Variants in SHLD2 observed in about 807,000 individuals in gnomAD.
The protein encoded by SHLD2 is RINN1-REV7-interacting novel NHEJ regulator 2.
In SHLD2, 30 loss-of-function variants were observed where a neutral mutation model predicts 73.2. The ratio of observed to expected loss-of-function variants is 0.41; its 90% CI spans 0.31 to 0.56. The LOEUF is 0.56. Ranked by LOEUF, SHLD2 falls within the 20% of genes least tolerant of loss-of-function variation. The pLI is 0.28. For synonymous variants in SHLD2, 285 were observed against 370.1 expected, an observed-to-expected ratio of 0.77 and a Z score of 2.64; for missense variants, 745 against 1,055.9, an observed-to-expected ratio of 0.71 and a Z score of 4.08.
intron 8 of SHLD2, among the ~76,000 whole-genome samples, chr10:87,186,254 G>A (rs2134757439): frequency 6.6e-6 from 1 of 152,296 alleles, no homozygotes; most frequent in Non-Finnish European, 1.5e-5. Context: ...CAGTAGTTAT[G>A]TTTTAGCTCT....
chr10:87,147,072 G>GAAAAAAAACAAACAAACAAAAA (rs1564596468), intron 2 of SHLD2, among the ~76,000 whole-genome samples: 1 of 95,366 alleles, frequency 1.0e-5, no homozygotes, highest in Non-Finnish European at 2.3e-5. Context: ...AAAAAAAAAA[G>GAAAAAAAACAAACAAACAAAAA]AAAAAAAAAA....
chr10:87,097,426 TG>T (rs1841972721), intron 2 of SHLD2, among the ~76,000 whole-genome samples: 1 of 151,200 alleles, frequency 6.6e-6, no homozygotes, highest in South Asian at 2.1e-4. Context: ...CCAAGCGTGG[TG>T]GGGGGCCTAC....
At chr10:87,165,870 CTG>C (rs1157980988) in intron 4 of SHLD2, among the ~76,000 whole-genome samples, 1 of 151,006 alleles carries the variant, frequency 6.6e-6, no homozygotes, top group African/African-American at 2.5e-5. Context: ...TAAGGTAACT[CTG>C]TACTATTTTT....
intron 2 of SHLD2, among the ~76,000 whole-genome samples, chr10:87,119,504 T>C (rs1843455019): frequency 3.9e-5 from 6 of 152,244 alleles, no homozygotes; most frequent in Admixed American, 2.6e-4. Context: ...GGCTCACGCC[T>C]GTAATCCCAG....
intron 2 of SHLD2, among the ~76,000 whole-genome samples, chr10:87,097,637 A>T (rs1175520360): frequency 6.6e-6 from 1 of 152,212 alleles, no homozygotes; most frequent in Non-Finnish European, 1.5e-5. Flanking sequence ...GAGGTGAGGA[A>T]TAGAGCTGTG....
rs1847811795 is a variant in SHLD2, at chr10:87,174,459, A to T, written c.1964-1430A>T. ...CAGGTATTTTGTAATAAGACAAGAA[A>T]GCTATTTTAGTGATTGGTTTTAAGC... On this transcript the variant is annotated intron_variant, in intron 6 of 9. Coordinates refer to ENST00000298786, the MANE Select transcript of SHLD2 (RefSeq NM_001330112.2). Among the ~76,000 whole-genome samples, 3 of 151,356 alleles carry T rather than the reference A, an allele frequency of 2.0e-5. No homozygotes were observed. In the South Asian group the frequency reaches 6.3e-4, roughly 32 times the overall value.
intron 8 of SHLD2, among the ~76,000 whole-genome samples, chr10:87,184,791 T>C (rs12355781): frequency 0.058 from 8,834 of 152,276 alleles, 508 homozygotes; most frequent in African/African-American, 0.16. Flanking sequence ...CTTCATGTCT[T>C]AGATTAAATG....
At chr10:87,107,852 C>CT (rs891401874) in intron 2 of SHLD2, among the ~76,000 whole-genome samples, 56 of 148,304 alleles carry the variant, frequency 3.8e-4, no homozygotes, top group Admixed American at 6.1e-4. Flanking sequence ...TTCTTTCTTT[C>CT]TTTTTTTTTT....
intron 3 of SHLD2, among the ~76,000 whole-genome samples, chr10:87,156,599 G>C (rs1343806074): frequency 6.6e-6 from 1 of 152,126 alleles, no homozygotes; most frequent in Non-Finnish European, 1.5e-5. Flanking sequence ...GTCAGTGAGA[G>C]GGTAGGAAGG....
At chr10:87,131,883 C>A (rs1219958337) in intron 2 of SHLD2, among the ~76,000 whole-genome samples, 2 of 152,164 alleles carry the variant, frequency 1.3e-5, no homozygotes, top group African/African-American at 4.8e-5. Context: ...CACTGTTTTC[C>A]ATTAAAAAAT....
Position 87,151,544 on chromosome 10 carries a change from G to T in SHLD2, c.190G>T (p.Val64Phe). ...KQHKNLENYK[V>F]PESIGSPDLS... ...GCACAAAAATCTTGAAAACTATAAA[G>T]TCCCAGAATCTATTGGTTCTCCAGA... Residue 64 changes from valine (V) to phenylalanine (F), a missense_variant, in exon 3 of 10, where the codon GTC (valine) becomes TTC (phenylalanine). This residue lies in a region of SHLD2 where 280 missense variants were observed against 353.9 expected (regional missense o/e 0.79). Transcript: ENST00000298786. 1 of 1,611,354 alleles carries T rather than the reference G, an allele frequency of 6.2e-7. No homozygotes were observed. Among genetic ancestry groups the T allele is most frequent in the Non-Finnish European group, 8.5e-7 (1 of 1,179,648 alleles).
chr10:87,113,756 C>T (rs61223972), intron 2 of SHLD2, among the ~76,000 whole-genome samples: 4,559 of 149,912 alleles, frequency 0.03, 245 homozygotes, highest in African/African-American at 0.11. Context: ...CCTGTAATCC[C>T]AGGCTTTGGG....
At chr10:87,138,373 GAAAA>G (rs1269699433) in intron 2 of SHLD2, among the ~76,000 whole-genome samples, 1 of 130,278 alleles carries the variant, frequency 7.7e-6, no homozygotes, top group Non-Finnish European at 1.7e-5. Flanking sequence ...AGAGCTGAAA[GAAAA>G]AAAAAAAAAC....
intron 2 of SHLD2, among the ~76,000 whole-genome samples, chr10:87,150,621 C>T (rs1396276602): frequency 1.3e-5 from 2 of 151,180 alleles, no homozygotes; most frequent in African/African-American, 2.4e-5. Flanking sequence ...ATTAGCCGGG[C>T]GTGGTGGCAC....
At chr10:87,173,247 C>T (rs1197502376) in intron 6 of SHLD2, among the ~76,000 whole-genome samples, 1 of 151,768 alleles carries the variant, frequency 6.6e-6, no homozygotes, top group African/African-American at 2.4e-5. Flanking sequence ...AGGCTGGTCT[C>T]GAACTCCTGA....
At chr10:87,188,970 A>T (rs1395419613) in intron 9 of SHLD2, among the ~76,000 whole-genome samples, 3 of 144,166 alleles carry the variant, frequency 2.1e-5, no homozygotes, top group African/African-American at 5.1e-5. Flanking sequence ...CCTTTTCTTA[A>T]TGTTACTTAT....
At chr10:87,094,650 G>C (rs1273946240), upstream of SHLD2, 1 of 1,597,792 alleles carries the variant, frequency 6.3e-7, no homozygotes, top group African/African-American at 1.3e-5. The surrounding 1 kb of genome is among the most constrained non-coding windows in gnomAD (Gnocchi z 6.6). Context: ...CCGGCTGCGG[G>C]GCGGCGGCGG....
chr10:87,106,035 C>G (rs1029204656), intron 2 of SHLD2, among the ~76,000 whole-genome samples: 5 of 152,202 alleles, frequency 3.3e-5, no homozygotes, highest in African/African-American at 1.2e-4. Flanking sequence ...CGGAGTCTTG[C>G]TCTTGTTGCC....
intron 2 of SHLD2, among the ~76,000 whole-genome samples, chr10:87,147,068 A>G (rs1845665044): frequency 2.1e-5 from 3 of 145,864 alleles, no homozygotes; most frequent in Non-Finnish European, 3.0e-5. Flanking sequence ...AAAAAAAAAA[A>G]AAAGAAAAAA....
Sources: allele counts gnomAD v4.1 joint callset (sites outside exome capture counted in the v4.1 genomes callset), GRCh38; gene constraint gnomAD v4.1.1; regional missense constraint gnomAD v4.1.1; non-coding constraint Gnocchi (gnomAD v3.1); transcripts MANE v1.5; gene names NCBI Gene and HGNC (gene_info 2026-07-23, HGNC 2026-07-21).